Variants in SLC39A12 observed in about 807,000 individuals in gnomAD.
SLC39A12 encodes zinc transporter ZIP12.
Under a neutral mutation model 71.1 loss-of-function variants are expected in SLC39A12, and 63 were observed. The ratio of observed to expected loss-of-function variants is 0.89; its 90% confidence interval spans 0.72 to 1.09. The LOEUF (loss-of-function observed/expected upper bound fraction) is 1.09. Among genes scored for constraint, SLC39A12 ranks in the 50% least tolerant of loss-of-function variants. The pLI is 0.00. For synonymous variants in SLC39A12, 351 were observed against 301.3 expected, an observed-to-expected ratio of 1.16 and a Z score of -1.71; for missense variants, 892 against 812.6, an observed-to-expected ratio of 1.10 and a Z score of -1.19.
chr10:17,991,672 T>G (rs1364855287), intron 8 of SLC39A12, among the ~76,000 whole-genome samples: 1 of 151,026 alleles, frequency 6.6e-6, no homozygotes, highest in Non-Finnish European at 1.5e-5. Context: ...AAATCACATG[T>G]AATTTTCTGT....
At chr10:18,018,860 A>AAAGAC (rs1836455055) in intron 12 of SLC39A12, among the ~76,000 whole-genome samples, 1 of 152,066 alleles carries the variant, frequency 6.6e-6, no homozygotes, top group Non-Finnish European at 1.5e-5. Flanking sequence ...CTTTGTTTGT[A>AAAGAC]ATGTCTTTGC....
intron 10 of SLC39A12, among the ~76,000 whole-genome samples, chr10:17,998,215 C>G (rs1394923275): frequency 6.6e-6 from 1 of 152,120 alleles, no homozygotes; most frequent in Non-Finnish European, 1.5e-5. Context: ...TGGCTTGTTA[C>G]CTATCCACGA....
intron 4 of SLC39A12, among the ~76,000 whole-genome samples, chr10:17,973,080 C>T (rs1202682239): frequency 6.6e-6 from 1 of 152,062 alleles, no homozygotes; most frequent in Non-Finnish European, 1.5e-5. Flanking sequence ...AAACTTAGCA[C>T]TGTTTGTATA....
chr10:18,035,904 G>GA (rs1564665233), intron 12 of SLC39A12, among the ~76,000 whole-genome samples: 11 of 152,166 alleles, frequency 7.2e-5, no homozygotes, highest in Admixed American at 1.3e-4. Flanking sequence ...GGAATACCCT[G>GA]CCGTGTGAGG....
chr10:17,978,081 C>G lies in SLC39A12; in HGVS notation c.924+7C>G. 1 of 1,545,740 alleles carries G rather than the reference C, an allele frequency of 6.5e-7. No homozygotes were observed. Among genetic ancestry groups the G allele is most frequent in the Non-Finnish European group, 8.7e-7 (1 of 1,153,694 alleles). ...TCCAGTTTCCTGGGATCAGGTATTGCCATTGTTTCTCTTATTCAAGCATTT... is the reference window on the plus strand; with the variant it reads ...TCCAGTTTCCTGGGATCAGGTATTGGCATTGTTTCTCTTATTCAAGCATTT... On this transcript the variant is annotated splice_region_variant and intron_variant, in intron 5 of 12. Coordinates refer to ENST00000377369, the MANE Select transcript of SLC39A12 (RefSeq NM_001145195.2).
intron 12 of SLC39A12, among the ~76,000 whole-genome samples, chr10:18,032,684 A>G (rs1462260614): frequency 2.8e-4 from 42 of 151,580 alleles, no homozygotes; most frequent in Middle Eastern, 3.4e-3. Flanking sequence ...TTCCAACACT[A>G]TGTTGAATAG....
intron 2 of SLC39A12, among the ~76,000 whole-genome samples, chr10:17,954,995 T>G (rs1554847613): frequency 1.3e-5 from 2 of 152,218 alleles, no homozygotes; most frequent in South Asian, 2.1e-4. Context: ...GCAACTCATC[T>G]GTGATGACAT....
intron 12 of SLC39A12, among the ~76,000 whole-genome samples, chr10:18,008,223 A>G (rs577125019): frequency 6.6e-6 from 1 of 152,286 alleles, no homozygotes; most frequent in South Asian, 2.1e-4. Context: ...GCCGCTCTGC[A>G]TTGCTCACCT....
At chr10:17,989,347 C>A (rs1229425750) in intron 7 of SLC39A12, among the ~76,000 whole-genome samples, 1 of 152,192 alleles carries the variant, frequency 6.6e-6, no homozygotes, top group African/African-American at 2.4e-5. Flanking sequence ...TTTTAATTGC[C>A]CTCATAATCT....
chr10:17,987,551 T>C lies in SLC39A12; in HGVS notation c.1169T>C (p.Phe390Ser). 2 of 1,614,100 alleles carry C rather than the reference T, an allele frequency of 1.2e-6. No individual in the cohort carries two copies. Among genetic ancestry groups the C allele is most frequent in the South Asian group, 2.2e-5 (2 of 91,074 alleles). ...ATGCTGGGGACAGCGCTGGTCCTTTTCCATAGCTGTGAGGAGAACTACAGG... is the reference window on the plus strand; with the variant it reads ...ATGCTGGGGACAGCGCTGGTCCTTTCCCATAGCTGTGAGGAGAACTACAGG... ...GSMLGTALVLFHSCEENYRLI... is the reference protein window; with the variant it reads ...GSMLGTALVLSHSCEENYRLI... Residue 390 changes from phenylalanine to serine, a missense_variant, in exon 7 of 13, where the codon TTC becomes TCC. Transcript: ENST00000377369.
intron 3 of SLC39A12, among the ~76,000 whole-genome samples, chr10:17,962,508 G>GCA (rs1405777551): frequency 3.3e-5 from 5 of 150,784 alleles, no homozygotes; most frequent in South Asian, 4.2e-4. Context: ...GGAAATCTCA[G>GCA]CAGATAAAGT....
intron 7 of SLC39A12, among the ~76,000 whole-genome samples, chr10:17,990,862 T>C (rs1477489363): frequency 1.3e-5 from 2 of 152,228 alleles, no homozygotes; most frequent in Non-Finnish European, 2.9e-5. Context: ...CTAGGGCACT[T>C]GCAGAAATAA....
chr10:17,995,761 T>A, intron 10 of SLC39A12, 39 bp downstream of exon 10: 1 of 1,548,064 alleles, frequency 6.5e-7, no homozygotes, highest in Non-Finnish European at 8.8e-7. Flanking sequence ...GAAAGTGCCA[T>A]AGAAAAACAG....
intron 12 of SLC39A12, among the ~76,000 whole-genome samples, chr10:18,021,980 A>G (rs1253506002): frequency 6.6e-6 from 1 of 152,200 alleles, no homozygotes; most frequent in East Asian, 1.9e-4. Flanking sequence ...TTCTGCTGAA[A>G]AATCAACTGT....
chr10:18,018,094 T>C (rs1041081457), intron 12 of SLC39A12, among the ~76,000 whole-genome samples: 1 of 152,228 alleles, frequency 6.6e-6, no homozygotes, highest in Non-Finnish European at 1.5e-5. Flanking sequence ...GTACGTCTTG[T>C]GCACATTTTG....
In SLC39A12 at chr10:18,019,628, C is replaced by T. The variant is rs536959347; in HGVS notation, c.1947+16270C>T. On this transcript the variant is annotated intron_variant, in intron 12 of 12. Transcript: ENST00000377369. ...TATTTTTATTTTCATTCATTCGAAA[C>T]TTTTTTAGTTTCTCTTGAGATTTCT... 4.6e-5 allele frequency among the ~76,000 whole-genome samples: 7 copies of T among 151,972 alleles called. No homozygotes were observed. The East Asian group carries it at 7.7e-4, about 17-fold the overall frequency.
chr10:18,001,389 C>T (rs530873432), intron 11 of SLC39A12, among the ~76,000 whole-genome samples: 89 of 152,270 alleles, frequency 5.8e-4, no homozygotes, highest in Non-Finnish European at 1.2e-3. Flanking sequence ...TGGCCCAGGC[C>T]TGTAACCCCA....
At chr10:18,033,628 C>G (rs1034761982) in intron 12 of SLC39A12, among the ~76,000 whole-genome samples, 11 of 146,736 alleles carry the variant, frequency 7.5e-5, no homozygotes, top group Admixed American at 1.4e-4. Flanking sequence ...TTTTTTGAAG[C>G]GTTTTTTGTG....
intron 12 of SLC39A12, among the ~76,000 whole-genome samples, chr10:18,014,272 T>G (rs1836316771): frequency 2.0e-5 from 3 of 152,204 alleles, no homozygotes; most frequent in African/African-American, 7.2e-5. Flanking sequence ...TTTGTGTTTA[T>G]AAATGCAACT....
Sources: allele counts gnomAD v4.1 joint callset (sites outside exome capture counted in the v4.1 genomes callset), GRCh38; gene constraint gnomAD v4.1.1; transcripts MANE v1.5; gene names NCBI Gene and HGNC (gene_info 2026-07-23, HGNC 2026-07-21).